The following ZNF292 variants were observed in gnomAD, a reference collection of about 807,000 sequenced individuals.
The protein encoded by ZNF292 is zinc finger protein 292.
A neutral mutation model predicts 217.9 loss-of-function variants in ZNF292; 26 were observed. The ratio of observed to expected loss-of-function variants is 0.12; its 90% CI spans 0.09 to 0.17. The LOEUF is 0.17. ZNF292 is among the 10% of genes least tolerant of loss of function. The pLI is 1.00. For missense variants in ZNF292, 2,904 were observed against 3,175.2 expected, an observed-to-expected ratio of 0.91 and a Z score of 2.05; for synonymous variants, 1,257 against 1,124.1, an observed-to-expected ratio of 1.12 and a Z score of -2.37.
intron 4 of ZNF292, chr6:87,223,070 T>TTTTG (rs899936017): frequency 5.6e-4 from 108 of 192,684 alleles, no homozygotes; most frequent in Middle Eastern, 4.7e-3. Flanking sequence ...TTTTGAGGTT[T>TTTTG]TTTGTTTGTT....
At chr6:87,205,901 C>A (rs577816265) in intron 1 of ZNF292, among the ~76,000 whole-genome samples, 6 of 152,210 alleles carry the variant, frequency 3.9e-5, no homozygotes, top group African/African-American at 1.4e-4. Context: ...TTATTTTCGC[C>A]AAATTTTGCA....
intron 1 of ZNF292, among the ~76,000 whole-genome samples, chr6:87,163,739 A>G (rs939496932): frequency 1.3e-5 from 2 of 152,182 alleles, no homozygotes; most frequent in Non-Finnish European, 2.9e-5. Context: ...GGAAAACAGT[A>G]TTTACATTGG....
intron 1 of ZNF292, among the ~76,000 whole-genome samples, chr6:87,185,557 C>T (rs1771619956): frequency 6.6e-6 from 1 of 152,152 alleles, no homozygotes; most frequent in South Asian, 2.1e-4. Context: ...TCACTCATTG[C>T]AACCTCTGCC....
At chr6:87,247,670 T>C (rs1774672660) in intron 7 of ZNF292, among the ~76,000 whole-genome samples, 1 of 152,176 alleles carries the variant, frequency 6.6e-6, no homozygotes, top group Admixed American at 6.5e-5. Context: ...TTAACATGAG[T>C]TCACCATTAA....
intron 1 of ZNF292, among the ~76,000 whole-genome samples, chr6:87,167,052 T>C (rs996171862): frequency 1.3e-5 from 2 of 152,244 alleles, no homozygotes; most frequent in Admixed American, 1.3e-4. Context: ...TTGACTCTTT[T>C]CCTGAAATAG....
At chr6:87,206,040 C>T (rs1011775693) in intron 1 of ZNF292, among the ~76,000 whole-genome samples, 36 of 152,166 alleles carry the variant, frequency 2.4e-4, no homozygotes, top group African/African-American at 7.7e-4. Context: ...TTACCTGATA[C>T]AGGTTGGACT....
intron 1 of ZNF292, among the ~76,000 whole-genome samples, chr6:87,197,357 G>C (rs1354300293): frequency 1.3e-5 from 2 of 151,502 alleles, no homozygotes; most frequent in African/African-American, 2.4e-5. Context: ...AGTAGGTTAG[G>C]TAGTACCATA....
intron 7 of ZNF292, 104 bp from the exon 8 acceptor site, chr6:87,254,546 T>C (rs900477213): frequency 1.8e-5 from 20 of 1,131,634 alleles, no homozygotes; most frequent in Admixed American, 7.0e-5. Context: ...AAGTTGCTAT[T>C]GCAAGATTTG....
intron 1 of ZNF292, among the ~76,000 whole-genome samples, chr6:87,207,183 A>G (rs776832000): frequency 7.9e-5 from 12 of 152,220 alleles, no homozygotes; most frequent in Non-Finnish European, 1.5e-4. Flanking sequence ...TTCCCACCAA[A>G]AAATAGTACA....
intron 1 of ZNF292, among the ~76,000 whole-genome samples, chr6:87,195,835 C>G (rs1287639352): frequency 2.0e-5 from 3 of 151,878 alleles, no homozygotes; most frequent in Non-Finnish European, 4.4e-5. Flanking sequence ...CGAGACCAGC[C>G]TGGCCAACGT....
At chr6:87,232,675 G>GT (rs1216756963) in intron 4 of ZNF292, among the ~76,000 whole-genome samples, 6 of 151,990 alleles carry the variant, frequency 3.9e-5, no homozygotes, top group African/African-American at 7.2e-5. Flanking sequence ...ACTGTTTTGA[G>GT]TTTATTCATT....
At chr6:87,245,408 A>C (rs1774521990) in intron 6 of ZNF292, 95 bp from the exon 7 acceptor site, 2 of 922,920 alleles carry the variant, frequency 2.2e-6, no homozygotes, top group Non-Finnish European at 3.1e-6. Flanking sequence ...TGGAATATAA[A>C]ACCAGTTTTA....
intron 4 of ZNF292, among the ~76,000 whole-genome samples, chr6:87,221,446 T>C (rs776811080): frequency 3.9e-5 from 6 of 152,214 alleles, no homozygotes; most frequent in Non-Finnish European, 8.8e-5. Flanking sequence ...ATGGTACTTA[T>C]GTAGTTCAGT....
rs1247916211 is a variant in ZNF292 at position 87,263,298 on chromosome 6, A to C, written c.*1497A>C. 1.3e-5 allele frequency: 2 copies of C among 151,760 alleles called. No individual in the cohort carries two copies. Among genetic ancestry groups the C allele is most frequent in the Non-Finnish European group, 2.9e-5 (2 of 67,868 alleles). 9.4% of individuals were successfully genotyped at this position (151,760 alleles called of 1,614,324 possible). ...GTTTCTGTTTGCCGTAAATAGTAAC[A>C]TTGTTTTTTTTTATTTTGTGTTTGT... On this transcript the variant is annotated 3_prime_UTR_variant, in exon 8 of 8. Coordinates refer to ENST00000369577, the MANE Select transcript of ZNF292 (RefSeq NM_015021.3).
At chr6:87,250,897 C>T (rs570534169) in intron 7 of ZNF292, among the ~76,000 whole-genome samples, 1 of 152,270 alleles carries the variant, frequency 6.6e-6, no homozygotes, top group African/African-American at 2.4e-5. Flanking sequence ...AAACCAGTAG[C>T]AATATTATAT....
chr6:87,172,533 G>A (rs913049618), intron 1 of ZNF292, among the ~76,000 whole-genome samples: 8 of 152,060 alleles, frequency 5.3e-5, no homozygotes, highest in African/African-American at 1.9e-4. Context: ...ACCATTCTAA[G>A]TTAAACAATA....
At chr6:87,197,668 C>T (rs1771989576) in intron 1 of ZNF292, among the ~76,000 whole-genome samples, 1 of 129,748 alleles carries the variant, frequency 7.7e-6, no homozygotes, top group Admixed American at 9.3e-5. Flanking sequence ...ACCCCAGAGG[C>T]GGAGGTCATG....
chr6:87,258,379 T>C lies in ZNF292; in HGVS notation c.4750T>C (p.Leu1584=). 5 of 1,613,702 alleles carry C rather than the reference T, an allele frequency of 3.1e-6. No individual in the cohort carries two copies. The highest frequency in any genetic ancestry group is 4.2e-6 in the Non-Finnish European group (5 of 1,179,792). The change falls in exon 8 of 8, where the codon TTG becomes CTG. Residue 1584 remains leucine (L), a synonymous_variant. Coordinates refer to ENST00000369577, the MANE Select transcript of ZNF292 (RefSeq NM_015021.3). ...DLLLKTVENG[L]CSSSFPNSGG... ...ACTACTGAAGACTGTTGAAAATGGT[T>C]TGTGCTCTAGTTCATTTCCTAATTC...
At chr6:87,189,168 G>A (rs531685274) in intron 1 of ZNF292, among the ~76,000 whole-genome samples, 2 of 152,110 alleles carry the variant, frequency 1.3e-5, no homozygotes, top group East Asian at 3.9e-4. Context: ...TCGCACCACT[G>A]CACTTCAGCC....
Sources: allele counts gnomAD v4.1 joint callset (sites outside exome capture counted in the v4.1 genomes callset), GRCh38; gene constraint gnomAD v4.1.1; transcripts MANE v1.5; gene names NCBI Gene and HGNC (gene_info 2026-07-23, HGNC 2026-07-21).